LOX: variants seen among roughly 807,000 people sequenced by gnomAD.
LOX encodes the protein lysyl oxidase.
A neutral mutation model predicts 50.5 loss-of-function variants in LOX; 12 were observed. The ratio of observed to expected loss-of-function variants is 0.24; its 90% CI spans 0.15 to 0.38. LOX has a LOEUF of 0.38. LOX is among the 10% of genes least tolerant of loss of function. LOX has a pLI of 1.00. For missense variants in LOX, 504 were observed against 563.8 expected, an observed-to-expected ratio of 0.89 and a Z score of 1.07; for synonymous variants, 254 against 230.6, an observed-to-expected ratio of 1.10 and a Z score of -0.92.
intron 4 of LOX, among the ~76,000 whole-genome samples, chr5:122,072,188 C>T (rs1754470919): frequency 6.6e-6 from 1 of 152,154 alleles, no homozygotes; most frequent in African/African-American, 2.4e-5. Context: ...CAGTGCTTAT[C>T]TTGCCTTCAA....
rs972838662 is a variant in LOX, at chr5:122,077,377, G to A, written c.609C>T (p.Tyr203=). Residue 203 remains tyrosine, a synonymous_variant, in exon 1 of 7, where the codon TAC becomes TAT. Coordinates refer to ENST00000231004, the MANE Select transcript of LOX (RefSeq NM_002317.7). This position sits in a 1 kb window ranked among gnomAD's most constrained non-coding sequence, Gnocchi z 4.9. ...TACCGTACTGGAAGTAGCCAGTGCCGTATCCGGGCCGGTACCTGCCCCCAG... is the reference window on the plus strand; with the variant it reads ...TACCGTACTGGAAGTAGCCAGTGCCATATCCGGGCCGGTACCTGCCCCCAG... ...PRPGGRYRPG[Y]GTGYFQYGLP... 6.8e-6 allele frequency: 11 copies of A among 1,613,802 alleles called. No individual in the cohort carries two copies. In the African/African-American group the frequency reaches 1.3e-4, roughly 20 times the overall value.
Position 122,077,783 on chromosome 5 carries a change from C to G in LOX, c.203G>C (p.Arg68Pro), listed in dbSNP as rs994242735. 50 of 1,548,718 alleles carry G rather than the reference C, an allele frequency of 3.2e-5. No individual in the cohort carries two copies. The highest frequency in any genetic ancestry group is 4.3e-5 in the Non-Finnish European group (49 of 1,151,648). ...GACGGCGGCGCCCGGGTCCCGGCGG[C>G]GCTGAGGCTGGTACTGTGAGCCCAG... is the stretch of plus-strand genomic sequence containing the variant. The part of the protein sequence containing the change: ...LSLGSQYQPQ[R>P]RRDPGAAVPG... Residue 68 changes from arginine to proline, a missense_variant, in exon 1 of 7, where the codon CGC becomes CCC. By Grantham distance (103) the Arg-to-Pro change is moderately radical (BLOSUM62 -2). Transcript: ENST00000231004. This position sits in a 1 kb window ranked among gnomAD's most constrained non-coding sequence, Gnocchi z 4.9.
Position 122,076,882 on chromosome 5 carries a change from T to G in LOX, c.740+11A>C, listed in dbSNP as rs373807513. The G allele has an allele frequency of 1.2e-6, 2 of 1,612,992 alleles. No individual in the cohort carries two copies. Among genetic ancestry groups the G allele is most frequent in the Admixed American group, 1.7e-5 (1 of 59,986 alleles). On this transcript the variant is annotated intron_variant, in intron 2 of 6. Transcript: ENST00000231004. ...ACCGGGGAGCGGGGCCTCAGACATA[T>G]CAGCCCGTACCTGGCCAGACAGTTT... is the stretch of plus-strand genomic sequence containing the variant.
At chr5:122,072,204 C>T (rs1385999753) in intron 4 of LOX, among the ~76,000 whole-genome samples, 2 of 152,048 alleles carry the variant, frequency 1.3e-5, no homozygotes, top group African/African-American at 4.8e-5. Flanking sequence ...TTCAAATAGA[C>T]AAAAGAGCCT....
chr5:122,069,985 GTATAATGTTTGGCATGAACAAAAAT>G, intron 6 of LOX, 43 bp downstream of exon 6: 1 of 1,060,920 alleles, frequency 9.4e-7, no homozygotes, highest in Non-Finnish European at 1.5e-6. Context: ...TACATTCTAT[GTATAATGTTTGGCATGAACAAAAAT>G]TATTTGTGAC....
intron 2 of LOX, among the ~76,000 whole-genome samples, 180 bp downstream of exon 2, chr5:122,076,713 T>C (rs2152590816): frequency 7.8e-6 from 1 of 128,510 alleles, no homozygotes; most frequent in South Asian, 2.6e-4. Flanking sequence ...CCCACAGAAA[T>C]CTTCAAAAAT....
intron 3 of LOX, among the ~76,000 whole-genome samples, chr5:122,075,055 G>T (rs140290613): frequency 1.1e-4 from 17 of 152,300 alleles, no homozygotes; most frequent in African/African-American, 4.1e-4. Flanking sequence ...GATAAAAAAC[G>T]TGTGGTCTTT....
chr5:122,073,878 C>CT, intron 4 of LOX, 135 bp downstream of exon 4: 1 of 789,198 alleles, frequency 1.3e-6, no homozygotes, highest in Non-Finnish European at 2.0e-6. Flanking sequence ...CTACAGTTTT[C>CT]TTTGAGAACA....
At position 122,077,775 on chromosome 5, in the gene LOX, C is replaced by A; in HGVS notation, c.211G>T (p.Asp71Tyr). ...GSQYQPQRRRDPGAAVPGAAN... is the reference protein window; with the variant it reads ...GSQYQPQRRRYPGAAVPGAAN... Reference sequence around the variant, plus strand: ...GCACCAGGGACGGCGGCGCCCGGGTCCCGGCGGCGCTGAGGCTGGTACTGT... The same window carrying A: ...GCACCAGGGACGGCGGCGCCCGGGTACCGGCGGCGCTGAGGCTGGTACTGT... The change falls in exon 1 of 7, where the codon GAC becomes TAC. Residue 71 changes from aspartate (D) to tyrosine (Y), a missense_variant. By Grantham distance (160) the Asp-to-Tyr change is radical. Around this residue, in one of 2 missense-constraint regions of LOX, gnomAD observed 398 missense variants for 365.8 expected, o/e 1.09. Coordinates refer to ENST00000231004, the MANE Select transcript of LOX (RefSeq NM_002317.7). The surrounding 1 kb of genome is among the most constrained non-coding windows in gnomAD (Gnocchi z 4.9). 1.3e-6 allele frequency: 2 copies of A among 1,549,012 alleles called. No homozygotes were observed. The highest frequency in any genetic ancestry group is 1.7e-6 in the Non-Finnish European group (2 of 1,151,746).
rs1754665591 is a variant in LOX, at chr5:122,077,264, G to C, written c.631+91C>G. The C allele has an allele frequency of 5.8e-6, 9 of 1,564,712 alleles. No individual in the cohort carries two copies. The East Asian group carries it at 1.2e-4, about 20-fold the overall frequency. On this transcript the variant is annotated intron_variant, in intron 1 of 6. Coordinates refer to ENST00000231004, the MANE Select transcript of LOX (RefSeq NM_002317.7). The surrounding 1 kb of genome is among the most constrained non-coding windows in gnomAD (Gnocchi z 4.9). ...GGGAGGGATCGGATCTGCGAGGACCGGGGCCCGCCGCGCCCAGGCAGCCAC... is the reference window on the plus strand; with the variant it reads ...GGGAGGGATCGGATCTGCGAGGACCCGGGCCCGCCGCGCCCAGGCAGCCAC...
intron 4 of LOX, among the ~76,000 whole-genome samples, chr5:122,071,822 T>G (rs1456729356): frequency 6.6e-6 from 1 of 152,168 alleles, no homozygotes; most frequent in East Asian, 1.9e-4. Context: ...GCTCTACCAA[T>G]GCTGGTTTAG....
At position 122,070,080 on chromosome 5, in the gene LOX, G is replaced by C; in HGVS notation, c.1220C>G (p.Ala407Gly). ...TGAAATTGTGCAGCCTGAGGCATAC[G>C]CATGATGTCCTGTGTAGCGAATGTC... The part of the protein sequence containing the change: ...RCDIRYTGHH[A>G]YASGCTISPY Residue 407 changes from alanine to glycine, a missense_variant, in exon 6 of 7, where the codon GCG (alanine) becomes GGG (glycine). Ala to Gly is a moderately conservative substitution (Grantham distance 60). Transcript: ENST00000231004. 6 of 1,611,696 alleles carry C rather than the reference G, an allele frequency of 3.7e-6. No homozygotes were observed. In the Admixed American group the frequency reaches 6.7e-5, roughly 18 times the overall value.
rs1312701230 is a variant in LOX at position 122,076,965 on chromosome 5, T to G, written c.668A>C (p.Gln223Pro). The G allele has an allele frequency of 6.2e-7, 1 of 1,613,576 alleles. No homozygotes were observed. Among genetic ancestry groups the G allele is most frequent in the Non-Finnish European group, 8.5e-7 (1 of 1,179,958 alleles). ...PDLVADPYYIQASTYVQKMSM... is the reference protein window; with the variant it reads ...PDLVADPYYIPASTYVQKMSM... The stretch of plus-strand genomic sequence containing the variant: ...CATCTTCTGCACGTACGTGGACGCC[T>G]GGATGTAGTAGGGGTCGGCCACCAG... The change falls in exon 2 of 7, where the codon CAG becomes CCG. Residue 223 changes from glutamine to proline, a missense_variant. By Grantham distance (76) the Gln-to-Pro change is moderately conservative. Transcript: ENST00000231004.
Position 122,077,335 on chromosome 5 carries a change from G to C in LOX, c.631+20C>G. On this transcript the variant is annotated intron_variant, in intron 1 of 6. Transcript: ENST00000231004. The surrounding 1 kb of genome is among the most constrained non-coding windows in gnomAD (Gnocchi z 4.9). ...GGGACCAGGTGCACGGGTGCTTCCA[G>C]CGGACTTGGGGGTACTTACCGTACT... is the stretch of plus-strand genomic sequence containing the variant. 6.2e-7 allele frequency: 1 copy of C among 1,613,526 alleles called. No homozygotes were observed. Among genetic ancestry groups the C allele is most frequent in the Non-Finnish European group, 8.5e-7 (1 of 1,179,964 alleles).
In LOX at chr5:122,064,853, T is replaced by A. The variant is rs1160503638; in HGVS notation, c.*1890A>T. 1 of 152,066 alleles carries A rather than the reference T, an allele frequency of 6.6e-6. No homozygotes were observed. The highest frequency in any genetic ancestry group is 1.9e-4 in the East Asian group (1 of 5,184). The allele number at this position is 152,066 out of a possible 1,614,324, so 9.4% of individuals were successfully genotyped here. ...CTTCTCCTATGTATCCATGATGATA[T>A]TGCCTAGTTTTTAATACAAGCTTAA... On this transcript the variant is annotated 3_prime_UTR_variant, in exon 7 of 7. Transcript: ENST00000231004.
Position 122,077,372 on chromosome 5 carries a change from G to C in LOX, c.614C>G (p.Thr205Ser), listed in dbSNP as rs780295299. The change falls in exon 1 of 7, where the codon ACT (threonine) becomes AGT (serine). Residue 205 changes from threonine to serine, a missense_variant. By Grantham distance (58) the Thr-to-Ser change is moderately conservative. Transcript: ENST00000231004. This position sits in a 1 kb window ranked among gnomAD's most constrained non-coding sequence, Gnocchi z 4.9. ...GTACTTACCGTACTGGAAGTAGCCA[G>C]TGCCGTATCCGGGCCGGTACCTGCC... ...PGGRYRPGYG[T>S]GYFQYGLPDL... 3.1e-6 allele frequency: 5 copies of C among 1,613,962 alleles called. No homozygotes were observed. Among genetic ancestry groups the C allele is most frequent in the South Asian group, 2.2e-5 (2 of 91,082 alleles).
At position 122,064,410 on chromosome 5, in the gene LOX, A is replaced by G. The variant is rs968058490; in HGVS notation, c.*2333T>C. The G allele has an allele frequency of 2.0e-5, 3 of 151,866 alleles. No homozygotes were observed. Among genetic ancestry groups the G allele is most frequent in the Non-Finnish European group, 4.4e-5 (3 of 67,876 alleles). The allele number at this position is 151,866 out of a possible 1,614,324, so 9.4% of individuals were successfully genotyped here. A position where few individuals can be genotyped will look rare whatever the true frequency, so the allele number is the denominator to read the frequency against. ...TGCCAGGAGGGGGATGAATGTTCAT[A>G]TAAGGAATAAAGTAGTATTTTTAGC... On this transcript the variant is annotated 3_prime_UTR_variant, in exon 7 of 7. Transcript: ENST00000231004.
Position 122,077,248 on chromosome 5 carries a change from C to G in LOX, c.631+107G>C. ...CACTGCAGGCGCGTGGGGGAGGGAT[C>G]GGATCTGCGAGGACCGGGGCCCGCC... On this transcript the variant is annotated intron_variant, in intron 1 of 6. Coordinates refer to ENST00000231004, the MANE Select transcript of LOX (RefSeq NM_002317.7). The surrounding 1 kb of genome is among the most constrained non-coding windows in gnomAD (Gnocchi z 4.9). 3.3e-6 allele frequency: 5 copies of G among 1,532,778 alleles called. No individual in the cohort carries two copies. The highest frequency in any genetic ancestry group is 4.4e-6 in the Non-Finnish European group (5 of 1,141,258). The allele number at this position is 1,532,778 out of a possible 1,614,324, so 94.9% of individuals were successfully genotyped here.
rs1196862019 is a variant in LOX, at chr5:122,077,626, G to A, written c.360C>T (p.Thr120=). 1.9e-6 allele frequency: 3 copies of A among 1,611,432 alleles called. No homozygotes were observed. Among genetic ancestry groups the A allele is most frequent in the Non-Finnish European group, 2.5e-6 (3 of 1,179,602 alleles). ...AGCCAGCTTGGAACCAGTGACGGGC[G>A]GTGGGCCTGGGGCGGCCAGCGGTGA... is the stretch of plus-strand genomic sequence containing the variant. ...SGVTAGRPRP[T]ARHWFQAGYS... Residue 120 remains threonine (T), a synonymous_variant, in exon 1 of 7, where the codon ACC becomes ACT. Transcript: ENST00000231004. This position sits in a 1 kb window ranked among gnomAD's most constrained non-coding sequence, Gnocchi z 4.9.
Sources: gnomAD v4.1 joint callset for allele counts (sites outside exome capture counted in the v4.1 genomes callset) on GRCh38, gnomAD v4.1.1 for gene constraint, gnomAD v4.1.1 regional missense constraint, Gnocchi (gnomAD v3.1) non-coding constraint, MANE v1.5 for transcripts, NCBI Gene and HGNC (gene_info 2026-07-23, HGNC 2026-07-21) for gene names.